The following ITGA1 variants were observed in gnomAD, a reference collection of about 807,000 sequenced individuals.
The protein encoded by ITGA1 is integrin alpha-1.
ITGA1 carries 85 observed loss-of-function variants against 145.9 expected under a neutral mutation model. The observed-to-expected ratio is 0.58, with a 90% CI of 0.49 to 0.70. The LOEUF (loss-of-function observed/expected upper bound fraction) is 0.70, where lower values mean the gene tolerates loss of function less well. ITGA1 is among the 30% of genes least tolerant of loss of function. The probability of loss-of-function intolerance (pLI) is 0.00; values close to 1 mark genes in which losing one functional copy is unlikely to be tolerated. For synonymous variants in ITGA1, 520 were observed against 495.3 expected, an observed-to-expected ratio of 1.05 and a Z score of -0.66; for missense variants, 1,351 against 1,418.7, an observed-to-expected ratio of 0.95 and a Z score of 0.77.
intron 13 of ITGA1, among the ~76,000 whole-genome samples, chr5:52,909,797 C>A (rs1750475043): frequency 6.7e-6 from 1 of 150,146 alleles, no homozygotes; most frequent in African/African-American, 2.5e-5. Flanking sequence ...CCACTCTAGG[C>A]AGCTTTAGAG....
intron 1 of ITGA1, among the ~76,000 whole-genome samples, chr5:52,836,817 TAAGAA>T (rs1749169207): frequency 6.6e-6 from 1 of 152,162 alleles, no homozygotes; most frequent in African/African-American, 2.4e-5. Flanking sequence ...TTGAAATAGT[TAAGAA>T]AATAGGGGAC....
In ITGA1 at chr5:52,918,839, A is replaced by G; in HGVS notation, c.2096A>G (p.Asn699Ser). 2.5e-6 allele frequency: 4 copies of G among 1,612,522 alleles called. No homozygotes were observed. The highest frequency in any genetic ancestry group is 2.5e-6 in the Non-Finnish European group (3 of 1,179,318). ...GAGGGAAAGGAAACAGTATGCATAA[A>G]TGCTACAGTGTGTTTTGATGTGAAA... ...HMEGKETVCI[N>S]ATVCFDVKLK... Residue 699 changes from asparagine (N) to serine (S), a missense_variant, in exon 16 of 29, where the codon AAT (asparagine) becomes AGT (serine). Transcript: ENST00000282588.
chr5:52,791,236 A>G (rs13162617), intron 1 of ITGA1, among the ~76,000 whole-genome samples: 61,371 of 152,126 alleles, frequency 0.4, 13,900 homozygotes, highest in South Asian at 0.54. Context: ...GACAGTTTAG[A>G]GAGGCCTTAA....
At chr5:52,850,499 A>G (rs1749413303) in intron 2 of ITGA1, among the ~76,000 whole-genome samples, 1 of 152,184 alleles carries the variant, frequency 6.6e-6, no homozygotes, top group Admixed American at 6.6e-5. Context: ...TAGCTGTAAT[A>G]ATAAGCAAAA....
At chr5:52,824,255 T>A (rs1203568945) in intron 1 of ITGA1, 1 of 151,890 alleles carries the variant, frequency 6.6e-6, no homozygotes, top group Non-Finnish European at 1.5e-5. Context: ...CTCCCATTAA[T>A]GATAAAATAG....
chr5:52,856,126 G>A (rs1215629731), intron 2 of ITGA1, among the ~76,000 whole-genome samples: 1 of 152,130 alleles, frequency 6.6e-6, no homozygotes, highest in South Asian at 2.1e-4. Flanking sequence ...TTCCTCCAGA[G>A]CCAAATGCTT....
Position 52,937,541 on chromosome 5 carries a change from G to A in ITGA1, c.3078+27G>A, listed in dbSNP as rs746007916. ...TAAGTCATGTGTGCCTTGGAATTAT[G>A]TCATTACTGTTATCTTTTCCACTTT... On this transcript the variant is annotated intron_variant, in intron 24 of 28. Coordinates refer to ENST00000282588, the MANE Select transcript of ITGA1 (RefSeq NM_181501.2). 20 of 1,293,966 alleles carry A rather than the reference G, an allele frequency of 1.5e-5. No individual in the cohort carries two copies. The South Asian group carries it at 2.4e-4, about 16-fold the overall frequency. The allele number at this position is 1,293,966 out of a possible 1,614,324, so 80.2% of individuals were successfully genotyped here. A position where few individuals can be genotyped will look rare whatever the true frequency, so the allele number is the denominator to read the frequency against.
intron 8 of ITGA1, 57 bp from the exon 9 acceptor site, chr5:52,893,618 C>G: frequency 6.8e-7 from 1 of 1,480,556 alleles, no homozygotes; most frequent in East Asian, 2.3e-5. Flanking sequence ...TGCTTGAGAT[C>G]CTTTATTTAA....
At chr5:52,888,104 C>A in intron 8 of ITGA1, 139 bp downstream of exon 8, 2 of 803,542 alleles carry the variant, frequency 2.5e-6, no homozygotes, top group Non-Finnish European at 3.8e-6. Flanking sequence ...CCTGGGAGGA[C>A]AGACTTGGAT....
chr5:52,814,729 TA>T (rs902189363), intron 1 of ITGA1, among the ~76,000 whole-genome samples: 8 of 150,064 alleles, frequency 5.3e-5, no homozygotes, highest in East Asian at 3.9e-4. Flanking sequence ...TGAGAGGTAT[TA>T]AAAAAAAAGG....
At chr5:52,808,395 ATT>A (rs1748628926) in intron 1 of ITGA1, among the ~76,000 whole-genome samples, 2 of 152,132 alleles carry the variant, frequency 1.3e-5, no homozygotes, top group South Asian at 4.1e-4. Flanking sequence ...ATCCCAATAG[ATT>A]TTAGTTGTAC....
rs79867105 is a variant in ITGA1 at position 52,915,758 on chromosome 5, G to C, written c.1988+164G>C. Among the ~76,000 whole-genome samples the C allele has an allele frequency of 7.8e-3, 1,186 of 152,248 alleles. 17 individuals are homozygous for C. The highest frequency in any genetic ancestry group is 0.028 in the African/African-American group (1,150 of 41,542). On this transcript the variant is annotated intron_variant, in intron 15 of 28. Transcript: ENST00000282588. Reference sequence around the variant, plus strand: ...AGCTGGAAGAGTCAATACATCTTAAGAACAAAGAAGCTATATGAAAGAAAC... The same window carrying C: ...AGCTGGAAGAGTCAATACATCTTAACAACAAAGAAGCTATATGAAAGAAAC...
chr5:52,798,679 A>C (rs1410121999), intron 1 of ITGA1, among the ~76,000 whole-genome samples: 1 of 152,170 alleles, frequency 6.6e-6, no homozygotes, highest in Non-Finnish European at 1.5e-5. Context: ...CTGCATTTTT[A>C]CGTAAGATAA....
At position 52,831,614 on chromosome 5, in the gene ITGA1, ATTTTTTC is replaced by A. The variant is rs1749071824; in HGVS notation, c.62-17744_62-17738del. ...CAGTAATCACTTATGGCTCCTAAGA[ATTTTTTC>A]TTTTTTTTTTTTAACCTTAAAGATT... On this transcript the variant is annotated intron_variant, in intron 1 of 28. Coordinates refer to ENST00000282588, the MANE Select transcript of ITGA1 (RefSeq NM_181501.2). 3.9e-5 allele frequency among the ~76,000 whole-genome samples: 6 copies of A among 152,022 alleles called. No individual in the cohort carries two copies. In the South Asian group the frequency reaches 1.2e-3, roughly 32 times the overall value.
At chr5:52,934,657 G>A (rs997541169) in intron 23 of ITGA1, among the ~76,000 whole-genome samples, 1 of 151,776 alleles carries the variant, frequency 6.6e-6, no homozygotes, top group Non-Finnish European at 1.5e-5. Context: ...CCTAGTTACT[G>A]ACACAGACTC....
intron 1 of ITGA1, among the ~76,000 whole-genome samples, chr5:52,840,654 T>A (rs1749239728): frequency 6.6e-6 from 1 of 152,088 alleles, no homozygotes; most frequent in Admixed American, 6.6e-5. Flanking sequence ...TGTCTGTAGA[T>A]ACTACAAAGG....
At chr5:52,950,161 CT>C (rs1751196953) in intron 28 of ITGA1, among the ~76,000 whole-genome samples, 1 of 152,130 alleles carries the variant, frequency 6.6e-6, no homozygotes, top group East Asian at 1.9e-4. Context: ...GGTGGAGAAA[CT>C]TGTCCTGAAC....
At chr5:52,940,042 A>AATGTGCG (rs1751030692) in intron 26 of ITGA1, 98 bp downstream of exon 26, 1 of 761,952 alleles carries the variant, frequency 1.3e-6, no homozygotes, top group Non-Finnish European at 2.3e-6. Context: ...TTTTGGAAAG[A>AATGTGCG]ATGTGCGACT....
At chr5:52,793,672 C>A (rs768754424) in intron 1 of ITGA1, among the ~76,000 whole-genome samples, 2 of 151,976 alleles carry the variant, frequency 1.3e-5, no homozygotes, top group African/African-American at 2.4e-5. Context: ...ATGTGAACCC[C>A]ATCTAGATAC....
Sources: gnomAD v4.1 joint callset for allele counts (sites outside exome capture counted in the v4.1 genomes callset) on GRCh38, gnomAD v4.1.1 for gene constraint, MANE v1.5 for transcripts, NCBI Gene and HGNC (gene_info 2026-07-23, HGNC 2026-07-21) for gene names.